CNBD1: variants seen among roughly 807,000 people sequenced by gnomAD.
The protein encoded by CNBD1 is cyclic nucleotide-binding domain-containing protein 1.
Under a neutral mutation model 54.4 loss-of-function variants are expected in CNBD1, and 71 were observed. That is an observed-to-expected ratio of 1.30 (90% CI 1.08 to 1.59). The LOEUF (loss-of-function observed/expected upper bound fraction) is 1.59. Ranked by LOEUF, CNBD1 falls within the 40% of genes most tolerant of loss-of-function variation. CNBD1 has a pLI of 0.00. For missense variants in CNBD1, 659 were observed against 518.0 expected (o/e 1.27, Z -2.64); for synonymous variants, 182 against 170.7 (o/e 1.07, Z -0.51).
intron 3 of CNBD1, among the ~76,000 whole-genome samples, chr8:86,912,181 A>G (rs906607029): frequency 1.3e-5 from 2 of 152,224 alleles, no homozygotes; most frequent in African/African-American, 4.8e-5. Context: ...AGTCAGCATT[A>G]AAATATCAAA....
chr8:86,886,251 A>T (rs1358469943), intron 1 of CNBD1, among the ~76,000 whole-genome samples: 1 of 152,190 alleles, frequency 6.6e-6, no homozygotes, highest in African/African-American at 2.4e-5. Flanking sequence ...TATCAGAAAT[A>T]TTACTAGACT....
At chr8:87,129,275 C>T (rs911074121) in intron 4 of CNBD1, among the ~76,000 whole-genome samples, 1 of 151,820 alleles carries the variant, frequency 6.6e-6, no homozygotes, top group Non-Finnish European at 1.5e-5. Flanking sequence ...GTAGGGTTTA[C>T]CAGAAAGCCA....
chr8:87,327,157 C>G (rs1367155765), intron 8 of CNBD1, among the ~76,000 whole-genome samples: 4 of 140,762 alleles, frequency 2.8e-5, no homozygotes, highest in Admixed American at 2.1e-4. Context: ...GGCAGTCTGC[C>G]CGTTCTCAGA....
intron 4 of CNBD1, among the ~76,000 whole-genome samples, chr8:87,002,135 A>G (rs902243190): frequency 1.3e-5 from 2 of 152,102 alleles, no homozygotes; most frequent in Non-Finnish European, 2.9e-5. Flanking sequence ...CTCATACCTT[A>G]TATCTAATCT....
intron 4 of CNBD1, among the ~76,000 whole-genome samples, chr8:87,164,263 T>C (rs2130762199): frequency 6.6e-6 from 1 of 152,092 alleles, no homozygotes; most frequent in East Asian, 1.9e-4. Flanking sequence ...TTTATTTTTT[T>C]GTAAAGTCTT....
intron 2 of CNBD1, among the ~76,000 whole-genome samples, chr8:87,411,428 T>TATA: frequency 2.1e-5 from 1 of 48,714 alleles, no homozygotes; most frequent in East Asian, 1.1e-3. Context: ...ATATATATAT[T>TATA]TCATTCACAC....
At chr8:87,030,903 C>A (rs1423619864) in intron 4 of CNBD1, among the ~76,000 whole-genome samples, 2 of 75,598 alleles carry the variant, frequency 2.6e-5, no homozygotes, top group African/African-American at 9.0e-5. Flanking sequence ...CTCTCCTCCC[C>A]ACCTCCTCCT....
intron 2 of CNBD1, among the ~76,000 whole-genome samples, chr8:87,421,406 C>A (rs1807933647): frequency 6.9e-6 from 1 of 144,922 alleles, no homozygotes; most frequent in South Asian, 2.3e-4. Context: ...GTATATCTCC[C>A]AATGCTCTCC....
At chr8:87,295,761 C>T (rs1285906035) in intron 8 of CNBD1, among the ~76,000 whole-genome samples, 3 of 152,088 alleles carry the variant, frequency 2.0e-5, no homozygotes, top group Non-Finnish European at 1.5e-5. Flanking sequence ...GATTTCTCTT[C>T]ACCTAAAAAA....
chr8:87,027,403 C>G (rs1191378396), intron 4 of CNBD1, among the ~76,000 whole-genome samples: 3 of 152,304 alleles, frequency 2.0e-5, no homozygotes, highest in African/African-American at 7.2e-5. Context: ...TCCTGAGTAG[C>G]TGGAACTACA....
chr8:87,161,164 A>G (rs567084746), intron 4 of CNBD1, among the ~76,000 whole-genome samples: 58 of 152,126 alleles, frequency 3.8e-4, no homozygotes, highest in Non-Finnish European at 8.2e-4. Flanking sequence ...TTCCTGGGAT[A>G]TGGTCCTGGA....
intron 6 of CNBD1, among the ~76,000 whole-genome samples, chr8:87,241,802 G>T (rs1419587383): frequency 6.6e-6 from 1 of 151,904 alleles, no homozygotes; most frequent in African/African-American, 2.4e-5. Flanking sequence ...GATCATTTTG[G>T]AAGCTATAAT....
chr8:86,924,030 A>G (rs1371197347), intron 3 of CNBD1, among the ~76,000 whole-genome samples: 2 of 152,180 alleles, frequency 1.3e-5, no homozygotes, highest in African/African-American at 4.8e-5. Context: ...ATTCAAAATG[A>G]TATCGTTCAA....
intron 2 of CNBD1, among the ~76,000 whole-genome samples, chr8:87,413,475 T>C (rs1231198048): frequency 6.6e-6 from 1 of 152,082 alleles, no homozygotes; most frequent in African/African-American, 2.4e-5. Flanking sequence ...TTGGTGAGCC[T>C]AAAGAGCTTA....
chr8:87,384,414 T>C (rs1484259879), downstream of CNBD1, among the ~76,000 whole-genome samples: 1 of 152,116 alleles, frequency 6.6e-6, no homozygotes, highest in Non-Finnish European at 1.5e-5. Context: ...ATGGTACATA[T>C]TATACTTCAG....
chr8:86,915,589 C>G (rs1370871428), intron 3 of CNBD1, among the ~76,000 whole-genome samples: 1 of 152,172 alleles, frequency 6.6e-6, no homozygotes, highest in African/African-American at 2.4e-5. Flanking sequence ...ATGAGTGTTG[C>G]CCAGATCAAA....
intron 4 of CNBD1, among the ~76,000 whole-genome samples, chr8:86,973,377 A>T (rs913049514): frequency 6.6e-6 from 1 of 152,208 alleles, no homozygotes; most frequent in East Asian, 1.9e-4. Flanking sequence ...TAATGCAGTA[A>T]TAATTTATTT....
At chr8:86,925,925 A>G (rs1395707705) in intron 3 of CNBD1, among the ~76,000 whole-genome samples, 1 of 152,072 alleles carries the variant, frequency 6.6e-6, no homozygotes, top group East Asian at 1.9e-4. Flanking sequence ...TTTATTGCGA[A>G]GAGTGAAAGG....
intron 5 of CNBD1, among the ~76,000 whole-genome samples, chr8:87,219,732 A>T (rs1457359046): frequency 6.6e-6 from 1 of 152,048 alleles, no homozygotes; most frequent in African/African-American, 2.4e-5. Flanking sequence ...TTTATTGTTC[A>T]TGCTTACTGT....
Sources: gnomAD v4.1 joint callset for allele counts (sites outside exome capture counted in the v4.1 genomes callset) on GRCh38, gnomAD v4.1.1 for gene constraint, MANE v1.5 for transcripts, NCBI Gene and HGNC (gene_info 2026-07-23, HGNC 2026-07-21) for gene names.